The following PCOLCE2 variants were observed in gnomAD, a reference collection of about 807,000 sequenced individuals.
PCOLCE2 encodes the protein procollagen C-endopeptidase enhancer 2.
A neutral mutation model predicts 47.0 loss-of-function variants in PCOLCE2; 42 were observed. The observed-to-expected ratio is 0.89, with a 90% confidence interval of 0.70 to 1.16. The LOEUF is 1.16. Ranked by LOEUF, PCOLCE2 falls within the 50% of genes most tolerant of loss-of-function variation. The pLI, the probability that PCOLCE2 is intolerant of heterozygous loss-of-function variation, is 0.00. For missense variants in PCOLCE2, 500 were observed against 526.1 expected (o/e 0.95, Z 0.49); for synonymous variants, 169 against 191.7 (o/e 0.88, Z 0.98).
In PCOLCE2 at chr3:142,842,739, C is replaced by CAAA. The variant is rs150459672; in HGVS notation, c.573+182_573+184dup. 4.1e-4 allele frequency among the ~76,000 whole-genome samples: 55 copies of CAAA among 135,474 alleles called. No individual in the cohort carries two copies. The highest frequency in any genetic ancestry group is 2.0e-3 in the Admixed American group (27 of 13,402). 88.9% of individuals were successfully genotyped at this position (135,474 alleles called of 152,430 possible). On this transcript the variant is annotated intron_variant, in intron 4 of 8. Coordinates refer to ENST00000295992, the MANE Select transcript of PCOLCE2 (RefSeq NM_013363.4). The surrounding 1 kb of genome is among the most constrained non-coding windows in gnomAD (Gnocchi z 4.1). The stretch of plus-strand genomic sequence containing the variant: ...GGGCGACAAGAGCGAAACTCTGTCT[C>CAAA]AAAAAAAAAAAAAAATATCTGGGGT...
chr3:142,839,399 G>A (rs1937240265), intron 4 of PCOLCE2, among the ~76,000 whole-genome samples: 1 of 151,648 alleles, frequency 6.6e-6, no homozygotes, highest in Non-Finnish European at 1.5e-5. Context: ...TGCAACCTCT[G>A]CCTCCCGGGT....
chr3:142,887,841 C>T, intron 1 of PCOLCE2, 64 bp from the exon 2 acceptor site: 2 of 882,676 alleles, frequency 2.3e-6, no homozygotes. Context: ...CTGATGTTAC[C>T]TTCAGAAAGG....
At chr3:142,854,639 T>C (rs1476510574) in intron 2 of PCOLCE2, among the ~76,000 whole-genome samples, 1 of 152,166 alleles carries the variant, frequency 6.6e-6, no homozygotes, top group Non-Finnish European at 1.5e-5. Flanking sequence ...CCCCTGGATG[T>C]CTAGAAGGGG....
In PCOLCE2 at chr3:142,853,276, T is replaced by C. The variant is rs145864414; in HGVS notation, c.193-4804A>G. On this transcript the variant is annotated intron_variant, in intron 2 of 8. Coordinates refer to ENST00000295992, the MANE Select transcript of PCOLCE2 (RefSeq NM_013363.4). ...GTTCCCACTTCTGCCCTTCTCTCAC[T>C]CATGCTTAGGGTCTCAGTTTCAAGG... is the stretch of plus-strand genomic sequence containing the variant. Among the ~76,000 whole-genome samples, 574 of 152,248 alleles carry C rather than the reference T, an allele frequency of 3.8e-3. 2 individuals carry two copies. The highest frequency in any genetic ancestry group is 0.013 in the African/African-American group (521 of 41,544).
chr3:142,821,137 A>G (rs568389254), intron 7 of PCOLCE2, 92 bp from the exon 8 acceptor site: 1 of 989,132 alleles, frequency 1.0e-6, no homozygotes, highest in South Asian at 1.6e-5. Context: ...AGTTTCAGAT[A>G]CGAAACATTT....
chr3:142,838,895 T>A lies in PCOLCE2; in HGVS notation c.585A>T (p.Leu195Phe). The change falls in exon 5 of 9, where the codon TTA becomes TTT. Residue 195 changes from leucine to phenylalanine, a missense_variant. By Grantham distance (22) the Leu-to-Phe change is conservative. Coordinates refer to ENST00000295992, the MANE Select transcript of PCOLCE2 (RefSeq NM_013363.4). ...GCTCCACATCAAACTTCTCAAACTT[T>A]AATTCTATAAGCTTTAGAGAAAGCA... ...IVAPKNQLIE[L>F]KFEKFDVERD... 1 of 1,611,294 alleles carries A rather than the reference T, an allele frequency of 6.2e-7. No individual in the cohort carries two copies. The highest frequency in any genetic ancestry group is 8.5e-7 in the Non-Finnish European group (1 of 1,177,458).
At chr3:142,846,011 G>A (rs7624783) in intron 3 of PCOLCE2, among the ~76,000 whole-genome samples, 29,598 of 152,002 alleles carry the variant, frequency 0.19, 3,187 homozygotes, top group African/African-American at 0.26. Context: ...CTGGCTTCCA[G>A]TGTTTCTGAG....
chr3:142,879,123 T>C (rs1252754161), intron 2 of PCOLCE2, among the ~76,000 whole-genome samples: 4 of 152,234 alleles, frequency 2.6e-5, no homozygotes, highest in Admixed American at 2.6e-4. Flanking sequence ...GTTTTAATTA[T>C]ACTAAATGCC....
chr3:142,838,239 C>T (rs1422791488), intron 5 of PCOLCE2, among the ~76,000 whole-genome samples: 2 of 152,030 alleles, frequency 1.3e-5, no homozygotes, highest in East Asian at 1.9e-4. Context: ...TTTGGTGGTG[C>T]TGACTCCATG....
intron 2 of PCOLCE2, among the ~76,000 whole-genome samples, chr3:142,880,418 A>G (rs1446801721): frequency 6.6e-6 from 1 of 152,164 alleles, no homozygotes; most frequent in Non-Finnish European, 1.5e-5. Context: ...CCCTTGCCAT[A>G]CCCTTAGGTA....
rs114055105 is a variant in PCOLCE2 at position 142,877,688 on chromosome 3, A to G, written c.192+9981T>C. ...ATTAAATGGCTGAACAGGGATTTGA[A>G]CTATGTCAGTCTGACTCTCCAATGC... is the stretch of plus-strand genomic sequence containing the variant. On this transcript the variant is annotated intron_variant, in intron 2 of 8. Coordinates refer to ENST00000295992, the MANE Select transcript of PCOLCE2 (RefSeq NM_013363.4). 1.7e-3 allele frequency among the ~76,000 whole-genome samples: 254 copies of G among 152,314 alleles called. 3 individuals are homozygous for G. The highest frequency in any genetic ancestry group is 5.7e-3 in the African/African-American group (236 of 41,570).
intron 7 of PCOLCE2, among the ~76,000 whole-genome samples, chr3:142,822,528 C>T (rs185210085): frequency 6.6e-5 from 10 of 152,216 alleles, no homozygotes; most frequent in East Asian, 1.9e-4. Flanking sequence ...TTTGATCCTG[C>T]GTGATAAGTG....
Position 142,848,328 on chromosome 3 carries a change from C to T in PCOLCE2, c.337G>A (p.Gly113Arg). 1 of 1,614,230 alleles carries T rather than the reference C, an allele frequency of 6.2e-7. No homozygotes were observed. Among genetic ancestry groups the T allele is most frequent in the South Asian group, 1.1e-5 (1 of 91,086 alleles). Residue 113 changes from glycine (G) to arginine (R), a missense_variant, in exon 3 of 9, where the codon GGA becomes AGA. By Grantham distance (125) the Gly-to-Arg change is moderately radical. Transcript: ENST00000295992. ...TTGTTGCCACTGGACACAAGGGCTC[C>T]AGGCCGGAAAGTGCCACAGAAGCGG... ...IGRFCGTFRP[G>R]ALVSSGNKMM...
chr3:142,823,404 A>G (rs910498226), intron 7 of PCOLCE2, 128 bp downstream of exon 7: 4 of 613,932 alleles, frequency 6.5e-6, no homozygotes, highest in Admixed American at 3.1e-5. Context: ...TGTATAGGCA[A>G]GTATTTTCTT....
intron 2 of PCOLCE2, among the ~76,000 whole-genome samples, chr3:142,870,614 G>A (rs1418720046): frequency 1.3e-5 from 2 of 151,994 alleles, no homozygotes; most frequent in South Asian, 2.1e-4. Flanking sequence ...GCTCAGGCTA[G>A]GAAAGAAACA....
At chr3:142,864,099 A>G (rs563324728) in intron 2 of PCOLCE2, 1 of 152,336 alleles carries the variant, frequency 6.6e-6, no homozygotes, top group East Asian at 1.9e-4. Flanking sequence ...TGAAACTGGC[A>G]CAGATGGCTT....
At chr3:142,854,208 C>CAT (rs10651605) in intron 2 of PCOLCE2, among the ~76,000 whole-genome samples, 96,693 of 151,800 alleles carry the variant, frequency 0.64, 31,169 homozygotes, top group Non-Finnish European at 0.66. Flanking sequence ...TTTTGCAGCA[C>CAT]GTGATTTTTT....
chr3:142,848,467 G>A lies in PCOLCE2; in HGVS notation c.198C>T (p.Pro66=), dbSNP rs759085276. ...NSKCTWKITV[P]EGKVVVLNFR... ...AATTGAGAACGACTACTTTTCCTTC[G>A]GGAACCTGCCAAGAAAAGCGCCAAT... Residue 66 remains proline (P), a synonymous_variant, in exon 3 of 9, where the codon CCC becomes CCT. Coordinates refer to ENST00000295992, the MANE Select transcript of PCOLCE2 (RefSeq NM_013363.4). 7.5e-6 allele frequency: 12 copies of A among 1,594,612 alleles called. No individual in the cohort carries two copies. Among genetic ancestry groups the A allele is most frequent in the Admixed American group, 3.4e-5 (2 of 58,256 alleles).
intron 2 of PCOLCE2, among the ~76,000 whole-genome samples, chr3:142,861,920 C>T (rs969630925): frequency 2.0e-5 from 3 of 152,190 alleles, no homozygotes; most frequent in Non-Finnish European, 2.9e-5. Context: ...TTCCATGCCT[C>T]GCCTGAGGTG....
Sources: allele counts gnomAD v4.1 joint callset (sites outside exome capture counted in the v4.1 genomes callset), GRCh38; gene constraint gnomAD v4.1.1; non-coding constraint Gnocchi (gnomAD v3.1); transcripts MANE v1.5; gene names NCBI Gene and HGNC (gene_info 2026-07-23, HGNC 2026-07-21).